The following CNTN4 variants were observed in gnomAD, a reference collection of about 807,000 sequenced individuals.
CNTN4 encodes the protein contactin 4.
CNTN4 carries 77 observed loss-of-function variants against 122.5 expected under a neutral mutation model. The ratio of observed to expected loss-of-function variants is 0.63; its 90% confidence interval spans 0.52 to 0.76. The LOEUF (loss-of-function observed/expected upper bound fraction) is 0.76. Ranked by LOEUF, CNTN4 falls within the 30% of genes least tolerant of loss-of-function variation. CNTN4 has a pLI of 0.00. For synonymous variants in CNTN4, 512 were observed against 447.0 expected, an observed-to-expected ratio of 1.15 and a Z score of -1.83; for missense variants, 1,256 against 1,259.1, an observed-to-expected ratio of 1.00 and a Z score of 0.04.
intron 8 of CNTN4, among the ~76,000 whole-genome samples, chr3:2,873,827 G>A (rs1246720738): frequency 6.6e-6 from 1 of 152,122 alleles, no homozygotes; most frequent in African/African-American, 2.4e-5. Context: ...ACAGGCAACA[G>A]GTAGAGATAT....
rs556461313 is a variant in CNTN4, at chr3:2,376,504, A to G, written c.-89+37271A>G. ...TAATATTTGAAGTGGTCTTTGAAGTATCAGTATTTCTATATCACTAGGTGA... is the reference window on the plus strand; with the variant it reads ...TAATATTTGAAGTGGTCTTTGAAGTGTCAGTATTTCTATATCACTAGGTGA... On this transcript the variant is annotated intron_variant, in intron 3 of 24. Transcript: ENST00000418658. Among the ~76,000 whole-genome samples the G allele has an allele frequency of 6.6e-5, 10 of 152,232 alleles. No individual in the cohort carries two copies. In the South Asian group the frequency reaches 1.0e-3, roughly 16 times the overall value.
intron 2 of CNTN4, among the ~76,000 whole-genome samples, chr3:2,270,885 A>G (rs1389215005): frequency 1.3e-5 from 2 of 152,216 alleles, no homozygotes; most frequent in Middle Eastern, 3.4e-3. Context: ...ATCATTACCT[A>G]TGTGAAGTGT....
At chr3:2,621,577 C>A (rs988295651) in intron 4 of CNTN4, among the ~76,000 whole-genome samples, 1 of 151,982 alleles carries the variant, frequency 6.6e-6, no homozygotes, top group African/African-American at 2.4e-5. Flanking sequence ...AGCAAACCAC[C>A]ATGGCACGTG....
At position 2,131,431 on chromosome 3, in the gene CNTN4, C is replaced by G. The variant is rs576745645; in HGVS notation, c.-145+30792C>G. 1.8e-3 allele frequency among the ~76,000 whole-genome samples: 280 copies of G among 152,260 alleles called. 1 individual carries two copies. Among genetic ancestry groups the G allele is most frequent in the African/African-American group, 6.5e-3 (269 of 41,548 alleles). On this transcript the variant is annotated intron_variant, in intron 2 of 24. Transcript: ENST00000418658. ...TGGGGGAAAGAATGAGTCTCAGTAG[C>G]AACACTTCTTTGATAGTCTTTCTTG...
chr3:2,974,288 T>C (rs1693212634), intron 13 of CNTN4, among the ~76,000 whole-genome samples: 1 of 152,216 alleles, frequency 6.6e-6, no homozygotes, highest in African/African-American at 2.4e-5. Flanking sequence ...TCCTTTATTC[T>C]TTAATTTTGA....
At chr3:3,035,808 GC>G (rs1292617334) in intron 17 of CNTN4, among the ~76,000 whole-genome samples, 7 of 152,022 alleles carry the variant, frequency 4.6e-5, no homozygotes, top group Non-Finnish European at 1.0e-4. Context: ...TTCTCCATCA[GC>G]CTCCCAAATT....
chr3:2,922,119 C>A (rs1577283290), intron 12 of CNTN4, among the ~76,000 whole-genome samples: 1 of 152,102 alleles, frequency 6.6e-6, no homozygotes, highest in African/African-American at 2.4e-5. Flanking sequence ...TAAGGAGCTC[C>A]CAGTATCTCA....
In CNTN4 at chr3:2,703,473, A is replaced by T. The variant is rs79229631; in HGVS notation, c.56-32742A>T. Among the ~76,000 whole-genome samples the T allele has an allele frequency of 2.0e-3, 307 of 152,292 alleles. 2 individuals are homozygous for T. The highest frequency in any genetic ancestry group is 7.1e-3 in the African/African-American group (293 of 41,554). ...ATAATTATTATTCTTTTTTAACTTA[A>T]AATCAAATCTCAGAGAAGATGGAAC... On this transcript the variant is annotated intron_variant, in intron 4 of 24. Coordinates refer to ENST00000418658, the MANE Select transcript of CNTN4 (RefSeq NM_175607.3).
chr3:2,964,961 G>A (rs1299506680), intron 13 of CNTN4, among the ~76,000 whole-genome samples: 1 of 152,160 alleles, frequency 6.6e-6, no homozygotes, highest in Non-Finnish European at 1.5e-5. Flanking sequence ...TCGAGGGGTT[G>A]AAGATACAGC....
intron 2 of CNTN4, among the ~76,000 whole-genome samples, chr3:2,191,459 C>T (rs1043837144): frequency 1.3e-5 from 2 of 152,170 alleles, no homozygotes; most frequent in South Asian, 4.1e-4. Flanking sequence ...AGTAATTGTC[C>T]TCTATGTCCC....
rs112921386 is a variant in CNTN4 at position 3,043,060 on chromosome 3, G to T, written c.2595G>T (p.Thr865=). The T allele has an allele frequency of 2.2e-5, 36 of 1,613,946 alleles. No homozygotes were observed. The highest frequency in any genetic ancestry group is 3.1e-5 in the Non-Finnish European group (36 of 1,179,986). ...GAAATCAGACATCAACAAAAATCAC[G>T]AACTTAAAAGGCAGTGTGCTGTATC... ...TVGNQTSTKI[T]NLKGSVLYHL... is the part of the protein sequence containing the mutation. Residue 865 remains threonine, a synonymous_variant, in exon 22 of 25, where the codon ACG becomes ACT. Coordinates refer to ENST00000418658, the MANE Select transcript of CNTN4 (RefSeq NM_175607.3).
intron 2 of CNTN4, among the ~76,000 whole-genome samples, chr3:2,245,275 A>G (rs1420364504): frequency 1.3e-5 from 2 of 152,064 alleles, no homozygotes; most frequent in Non-Finnish European, 2.9e-5. Context: ...TCCCTAATTC[A>G]TTTGAGATCT....
intron 6 of CNTN4, among the ~76,000 whole-genome samples, chr3:2,753,252 C>T (rs1220679430): frequency 1.3e-5 from 2 of 152,146 alleles, no homozygotes; most frequent in Admixed American, 6.5e-5. Flanking sequence ...TCTATAATTT[C>T]GTGAGCTTGA....
chr3:2,802,894 T>A (rs1257938647), intron 6 of CNTN4, among the ~76,000 whole-genome samples: 1 of 152,216 alleles, frequency 6.6e-6, no homozygotes, highest in Non-Finnish European at 1.5e-5. Flanking sequence ...AATATCTTTA[T>A]GACTTCAGGA....
intron 3 of CNTN4, among the ~76,000 whole-genome samples, chr3:2,401,157 G>A (rs1268206702): frequency 6.6e-6 from 1 of 152,112 alleles, no homozygotes; most frequent in Non-Finnish European, 1.5e-5. Flanking sequence ...TTGCTTCTTA[G>A]TAGACTTTGC....
chr3:2,547,489 C>T (rs1318525918), intron 3 of CNTN4, among the ~76,000 whole-genome samples: 1 of 152,090 alleles, frequency 6.6e-6, no homozygotes, highest in Non-Finnish European at 1.5e-5. Flanking sequence ...TGGTCTCAAA[C>T]TCCTGACCTC....
chr3:2,901,649 C>A (rs763792202), intron 11 of CNTN4, among the ~76,000 whole-genome samples: 17 of 152,156 alleles, frequency 1.1e-4, no homozygotes, highest in Non-Finnish European at 1.9e-4. Context: ...GGTCTAGGTC[C>A]TGTTGCTTGC....
At chr3:2,204,469 A>G (rs1236690509) in intron 2 of CNTN4, among the ~76,000 whole-genome samples, 1 of 152,182 alleles carries the variant, frequency 6.6e-6, no homozygotes, top group Non-Finnish European at 1.5e-5. Context: ...ATTCTTCTTG[A>G]AGTTTTGCAC....
At position 2,953,367 on chromosome 3, in the gene CNTN4, C is replaced by T. The variant is rs78319233; in HGVS notation, c.1358+27588C>T. Among the ~76,000 whole-genome samples the T allele has an allele frequency of 6.4e-3, 967 of 152,100 alleles. 9 individuals are homozygous for T. The highest frequency in any genetic ancestry group is 0.021 in the African/African-American group (873 of 41,508). ...ATTTCTCAGCACCATTTGACACAGG[C>T]GGTAGATCGCTCCTCCCTCTGAAAT... is the stretch of plus-strand genomic sequence containing the variant. On this transcript the variant is annotated intron_variant, in intron 13 of 24. Transcript: ENST00000418658.
Sources: allele counts gnomAD v4.1 joint callset (sites outside exome capture counted in the v4.1 genomes callset), GRCh38; gene constraint gnomAD v4.1.1; transcripts MANE v1.5; gene names NCBI Gene and HGNC (gene_info 2026-07-23, HGNC 2026-07-21).